The following RBFOX1 variants were observed in gnomAD, a reference collection of about 807,000 sequenced individuals.
RBFOX1 encodes RNA binding protein fox-1 homolog 1.
A neutral mutation model predicts 57.7 loss-of-function variants in RBFOX1; 8 were observed. The observed-to-expected ratio is 0.14, with a 90% CI of 0.08 to 0.25. The LOEUF is 0.25. Ranked by LOEUF, RBFOX1 falls within the 10% of genes least tolerant of loss-of-function variation. The probability of loss-of-function intolerance (pLI) is 1.00; values close to 1 mark genes in which losing one functional copy is unlikely to be tolerated. For synonymous variants in RBFOX1, 326 were observed against 222.4 expected, an observed-to-expected ratio of 1.47 and a Z score of -4.15; for missense variants, 611 against 548.5, an observed-to-expected ratio of 1.11 and a Z score of -1.14.
chr16:7,230,623 C>A (rs1282090710), intron 4 of RBFOX1, among the ~76,000 whole-genome samples: 1 of 152,152 alleles, frequency 6.6e-6, no homozygotes, highest in Non-Finnish European at 1.5e-5. Context: ...CTACCACTAG[C>A]TTCTGATGCA....
chr16:7,560,532 C>A (rs1343366752), intron 5 of RBFOX1, among the ~76,000 whole-genome samples: 141 of 135,746 alleles, frequency 1.0e-3, no homozygotes, highest in South Asian at 9.6e-4. Context: ...TGTAGAGTAT[C>A]AAAAAAAAAA....
intron 2 of RBFOX1, among the ~76,000 whole-genome samples, chr16:5,597,237 A>AC (rs2047211243): frequency 1.5e-5 from 1 of 67,358 alleles, no homozygotes; most frequent in African/African-American, 6.6e-5. Context: ...TCTCCTTCCC[A>AC]CCCCCCTCCC....
At chr16:5,272,021 C>T (rs2063023448) in intron 1 of RBFOX1, among the ~76,000 whole-genome samples, 1 of 152,280 alleles carries the variant, frequency 6.6e-6, no homozygotes, top group East Asian at 1.9e-4. Context: ...TAGGTTGATT[C>T]TATATCTTGG....
chr16:6,220,498 G>C (rs1338723945), intron 1 of RBFOX1, among the ~76,000 whole-genome samples: 3 of 152,146 alleles, frequency 2.0e-5, no homozygotes, highest in Admixed American at 6.5e-5. Flanking sequence ...ACTATATTGA[G>C]TTATAAGTCT....
chr16:7,041,031 T>A (rs999570298), intron 3 of RBFOX1, among the ~76,000 whole-genome samples: 7 of 151,294 alleles, frequency 4.6e-5, no homozygotes, highest in African/African-American at 1.7e-4. Context: ...TTCTCCTGCC[T>A]CAGCCCCCTG....
At chr16:5,758,220 A>G (rs1395883430) in intron 3 of RBFOX1, among the ~76,000 whole-genome samples, 1 of 152,130 alleles carries the variant, frequency 6.6e-6, no homozygotes, top group East Asian at 1.9e-4. Context: ...TTAATCCTAC[A>G]TGTTCTCGAT....
Position 6,994,087 on chromosome 16 carries a change from C to G in RBFOX1, c.-15-57970C>G, listed in dbSNP as rs532783091. ...AGGCCTTAGTGCACTTTAGCTGTTG[C>G]TGACATCTGTTGAAATGATATCTGC... On this transcript the variant is annotated intron_variant, in intron 3 of 15. Transcript: ENST00000550418. 1.6e-4 allele frequency among the ~76,000 whole-genome samples: 24 copies of G among 152,232 alleles called. No individual in the cohort carries two copies. The South Asian group carries it at 3.3e-3, about 21-fold the overall frequency.
chr16:6,119,529 A>C (rs563439466), intron 1 of RBFOX1, among the ~76,000 whole-genome samples: 1 of 152,146 alleles, frequency 6.6e-6, no homozygotes, highest in South Asian at 2.1e-4. Flanking sequence ...GTGATTTTCA[A>C]TTTCCTCTCA....
intron 1 of RBFOX1, among the ~76,000 whole-genome samples, chr16:5,448,988 C>G (rs745966846): frequency 6.6e-6 from 1 of 152,134 alleles, no homozygotes; most frequent in East Asian, 1.9e-4. Flanking sequence ...CTTCCCACCA[C>G]AGGGCCTTTG....
intron 3 of RBFOX1, among the ~76,000 whole-genome samples, chr16:5,701,741 A>C (rs1255743597): frequency 1.3e-5 from 2 of 152,182 alleles, no homozygotes; most frequent in Admixed American, 6.5e-5. Context: ...GCCAAGGTGG[A>C]GGACCTTTGA....
intron 4 of RBFOX1, among the ~76,000 whole-genome samples, chr16:7,238,295 C>G (rs946895878): frequency 7.9e-5 from 12 of 151,804 alleles, no homozygotes; most frequent in Admixed American, 7.2e-4. Flanking sequence ...TGTGAATGTA[C>G]TTAACACTAC....
chr16:5,879,778 G>C (rs1567662885), intron 4 of RBFOX1, among the ~76,000 whole-genome samples: 1 of 152,174 alleles, frequency 6.6e-6, no homozygotes, highest in Non-Finnish European at 1.5e-5. Flanking sequence ...CTATCCATCT[G>C]TTGACCTCGC....
intron 1 of RBFOX1, among the ~76,000 whole-genome samples, chr16:5,309,353 A>C (rs1426940984): frequency 6.6e-6 from 1 of 152,144 alleles, no homozygotes; most frequent in Non-Finnish European, 1.5e-5. Flanking sequence ...GTTCTCATAG[A>C]TGAAGTAGCT....
intron 2 of RBFOX1, among the ~76,000 whole-genome samples, chr16:5,479,031 A>G (rs9941136): frequency 6.6e-6 from 1 of 151,976 alleles, no homozygotes; most frequent in Non-Finnish European, 1.5e-5. Context: ...TTCCTCACAA[A>G]TTATCTTAAT....
chr16:5,341,818 C>A (rs990139596), intron 1 of RBFOX1, among the ~76,000 whole-genome samples: 2 of 152,144 alleles, frequency 1.3e-5, no homozygotes, highest in Non-Finnish European at 2.9e-5. Flanking sequence ...ACACGGAGTT[C>A]TCTTCGGACC....
chr16:6,964,363 G>T (rs972002299), intron 3 of RBFOX1, among the ~76,000 whole-genome samples: 3 of 152,158 alleles, frequency 2.0e-5, no homozygotes, highest in Non-Finnish European at 4.4e-5. Context: ...ATGTGACACT[G>T]TAATGGTGGA....
chr16:5,736,635 G>C (rs895078419), intron 3 of RBFOX1, among the ~76,000 whole-genome samples: 4 of 151,882 alleles, frequency 2.6e-5, no homozygotes, highest in Non-Finnish European at 5.9e-5. Context: ...TTTATTTTTT[G>C]AACAGTCTCT....
intron 3 of RBFOX1, among the ~76,000 whole-genome samples, chr16:5,731,756 C>G (rs182987694): frequency 6.6e-5 from 10 of 152,272 alleles, no homozygotes; most frequent in East Asian, 1.9e-4. Flanking sequence ...AGCGGTTGAA[C>G]TGTTGAGGTC....
At chr16:6,705,096 G>T (rs952631122) in intron 3 of RBFOX1, 9 of 152,104 alleles carry the variant, frequency 5.9e-5, no homozygotes, top group African/African-American at 2.2e-4. Context: ...GCAGCACCAG[G>T]ACCCTGTGGT....
Sources: allele counts gnomAD v4.1 joint callset (sites outside exome capture counted in the v4.1 genomes callset), GRCh38; gene constraint gnomAD v4.1.1; transcripts MANE v1.5; gene names NCBI Gene and HGNC (gene_info 2026-07-23, HGNC 2026-07-21).